Variants in MYT1L observed in about 807,000 individuals in gnomAD.
MYT1L encodes the protein myelin transcription factor 1 like.
Under a neutral mutation model 126.7 loss-of-function variants are expected in MYT1L, and 12 were observed. That is an observed-to-expected ratio of 0.09 (90% CI 0.06 to 0.15). MYT1L has a LOEUF of 0.15. Ranked by LOEUF, MYT1L falls within the 10% of genes least tolerant of loss-of-function variation. The pLI is 1.00. For synonymous variants in MYT1L, 541 were observed against 604.2 expected (o/e 0.90, Z 1.53); for missense variants, 979 against 1,585.2 (o/e 0.62, Z 6.49).
intron 3 of MYT1L, among the ~76,000 whole-genome samples, chr2:2,064,226 G>A (rs1019136234): frequency 1.3e-5 from 2 of 152,176 alleles, no homozygotes; most frequent in African/African-American, 4.8e-5. Flanking sequence ...AGCCACTTGG[G>A]GCAAACACGA....
At chr2:2,156,651 A>G (rs947834457) in intron 3 of MYT1L, among the ~76,000 whole-genome samples, 3 of 152,150 alleles carry the variant, frequency 2.0e-5, no homozygotes, top group Non-Finnish European at 2.9e-5. Flanking sequence ...CTGCTTTTTT[A>G]TATCTACGCT....
chr2:1,847,106 C>T (rs778453221), intron 19 of MYT1L, among the ~76,000 whole-genome samples: 3 of 152,162 alleles, frequency 2.0e-5, no homozygotes, highest in East Asian at 1.9e-4. Flanking sequence ...TTCGATTTTG[C>T]GCATTATTGT....
Position 2,285,971 on chromosome 2 carries a change from CTCT to C in MYT1L, c.-520-1471_-520-1469del, listed in dbSNP as rs1158870451. The stretch of plus-strand genomic sequence containing the variant: ...CAATCCTCCAATTCTTTGTTCTTCA[CTCT>C]TCTTCTTCTTCTTCCTTTTTTTTTG... On this transcript the variant is annotated intron_variant, in intron 1 of 24. Coordinates refer to ENST00000647738, the MANE Select transcript of MYT1L (RefSeq NM_001303052.2). Among the ~76,000 whole-genome samples the C allele has an allele frequency of 1.1e-4, 16 of 148,946 alleles. No homozygotes were observed. The East Asian group carries it at 1.6e-3, about 15-fold the overall frequency.
Position 1,912,226 on chromosome 2 carries a change from A to T in MYT1L, c.1619-116T>A. The T allele has an allele frequency of 1.6e-6, 1 of 622,344 alleles. No individual in the cohort carries two copies. 38.6% of individuals were successfully genotyped at this position (622,344 alleles called of 1,614,324 possible). A position where few individuals can be genotyped will look rare whatever the true frequency, so the allele number is the denominator to read the frequency against. On this transcript the variant is annotated intron_variant, in intron 11 of 24. Transcript: ENST00000647738. This position sits in a 1 kb window ranked among gnomAD's most constrained non-coding sequence, Gnocchi z 4.3. ...TCGCTCATGATAGACAGTCCTACAA[A>T]CGTTTGTGATGGGCATGGCCAGGAA...
At chr2:2,251,461 A>T (rs540989391) in intron 2 of MYT1L, among the ~76,000 whole-genome samples, 4 of 152,244 alleles carry the variant, frequency 2.6e-5, no homozygotes, top group African/African-American at 9.6e-5. Flanking sequence ...CAGGTGCAGA[A>T]ACCTGGCATG....
intron 21 of MYT1L, among the ~76,000 whole-genome samples, chr2:1,813,841 C>A (rs970756180): frequency 3.6e-4 from 44 of 122,432 alleles, no homozygotes; most frequent in Non-Finnish European, 5.4e-4. Flanking sequence ...TCCTGGCTAA[C>A]ACGGTGAAAC....
intron 2 of MYT1L, among the ~76,000 whole-genome samples, chr2:2,216,882 C>G (rs189708271): frequency 1.3e-5 from 2 of 151,828 alleles, no homozygotes; most frequent in Admixed American, 6.6e-5. Flanking sequence ...AGATAATGAA[C>G]AAAAATTATG....
intron 13 of MYT1L, among the ~76,000 whole-genome samples, chr2:1,906,859 C>T (rs1052279623): frequency 1.3e-5 from 2 of 151,792 alleles, no homozygotes. Flanking sequence ...AGGAGGATCA[C>T]TTGAGCCCAG....
intron 18 of MYT1L, among the ~76,000 whole-genome samples, chr2:1,863,565 C>T (rs1043153503): frequency 6.6e-6 from 1 of 152,132 alleles, no homozygotes; most frequent in Admixed American, 6.5e-5. Context: ...CCAGCCCGAC[C>T]CCCGGAAGGA....
chr2:2,184,374 C>T (rs1401733874), intron 2 of MYT1L, among the ~76,000 whole-genome samples: 1 of 152,144 alleles, frequency 6.6e-6, no homozygotes, highest in Non-Finnish European at 1.5e-5. Flanking sequence ...AAATGTGCAG[C>T]GCCCATAAAG....
chr2:1,896,194 C>G (rs952361389), intron 14 of MYT1L, among the ~76,000 whole-genome samples: 2 of 152,112 alleles, frequency 1.3e-5, no homozygotes, highest in Non-Finnish European at 2.9e-5. Flanking sequence ...ACAGCAGATG[C>G]TGGAGAGGCT....
chr2:1,987,143 G>A (rs778557533), intron 5 of MYT1L, among the ~76,000 whole-genome samples: 3 of 152,130 alleles, frequency 2.0e-5, no homozygotes, highest in African/African-American at 4.8e-5. Context: ...CAAGTTCTGG[G>A]AGAAAATTCA....
intron 3 of MYT1L, among the ~76,000 whole-genome samples, chr2:2,119,147 C>A (rs867653234): frequency 6.6e-6 from 1 of 152,176 alleles, no homozygotes; most frequent in Non-Finnish European, 1.5e-5. Flanking sequence ...GACATTTTCA[C>A]GTACATTTTT....
intron 1 of MYT1L, among the ~76,000 whole-genome samples, chr2:2,319,885 A>G (rs565873794): frequency 3.7e-4 from 57 of 152,024 alleles, no homozygotes; most frequent in Non-Finnish European, 5.1e-4. Context: ...TACTCAATAT[A>G]TGCACATTGT....
intron 2 of MYT1L, among the ~76,000 whole-genome samples, chr2:2,219,669 C>A (rs1044320259): frequency 6.6e-6 from 1 of 152,202 alleles, no homozygotes; most frequent in African/African-American, 2.4e-5. Flanking sequence ...CCTTGTTCTC[C>A]TCTGCCTTTG....
intron 2 of MYT1L, among the ~76,000 whole-genome samples, chr2:2,277,775 C>T (rs1023216156): frequency 6.6e-6 from 1 of 151,974 alleles, no homozygotes; most frequent in African/African-American, 2.4e-5. Flanking sequence ...GGTTGTATAC[C>T]CTTTGCAACA....
At chr2:2,003,959 G>GTTCTTTCCTGCAGGCA (rs1410475164) in intron 4 of MYT1L, among the ~76,000 whole-genome samples, 17 of 149,270 alleles carry the variant, frequency 1.1e-4, no homozygotes, top group Admixed American at 2.6e-4. Flanking sequence ...TCCTGCATGC[G>GTTCTTTCCTGCAGGCA]TTCTTTCCTG....
chr2:1,821,425 T>C (rs184089808), intron 21 of MYT1L, among the ~76,000 whole-genome samples: 59 of 152,346 alleles, frequency 3.9e-4, no homozygotes, highest in African/African-American at 1.4e-3. Flanking sequence ...TTTTTTAAAA[T>C]AGATATTCGT....
intron 4 of MYT1L, among the ~76,000 whole-genome samples, chr2:2,009,149 G>T (rs115829660): frequency 0.034 from 4,989 of 145,130 alleles, 132 homozygotes; most frequent in Non-Finnish European, 0.052. Flanking sequence ...CTTCTCAGTG[G>T]TTTTTTTTTT....
Sources: allele counts gnomAD v4.1 joint callset (sites outside exome capture counted in the v4.1 genomes callset), GRCh38; gene constraint gnomAD v4.1.1; non-coding constraint Gnocchi (gnomAD v3.1); transcripts MANE v1.5; gene names NCBI Gene and HGNC (gene_info 2026-07-23, HGNC 2026-07-21).